The following LAMC2 variants were observed in gnomAD, a reference collection of about 807,000 sequenced individuals.
LAMC2 encodes laminin subunit gamma-2.
In LAMC2, 97 loss-of-function variants were observed where a neutral mutation model predicts 140.2. That is an observed-to-expected ratio of 0.69 (90% CI 0.59 to 0.82). The LOEUF (loss-of-function observed/expected upper bound fraction) is 0.82. Ranked by LOEUF, LAMC2 falls within the 40% of genes least tolerant of loss-of-function variation. The probability of loss-of-function intolerance (pLI) is 0.00; values close to 1 mark genes in which losing one functional copy is unlikely to be tolerated. For missense variants in LAMC2, 1,402 were observed against 1,476.1 expected (o/e 0.95, Z 0.82); for synonymous variants, 513 against 540.2 (o/e 0.95, Z 0.70).
intron 3 of LAMC2, among the ~76,000 whole-genome samples, chr1:183,216,528 A>G (rs1032692710): frequency 1.3e-5 from 2 of 151,970 alleles, no homozygotes; most frequent in African/African-American, 2.4e-5. Context: ...CTCCGCAGGG[A>G]AGCCACAATA....
At chr1:183,208,199 A>AG in intron 2 of LAMC2, 130 bp downstream of exon 2, 1 of 891,392 alleles carries the variant, frequency 1.1e-6, no homozygotes. Context: ...GAAAGCAAGC[A>AG]GGCCAAGAGG....
chr1:183,221,338 G>A (rs1324162566), intron 5 of LAMC2, among the ~76,000 whole-genome samples: 1 of 152,124 alleles, frequency 6.6e-6, no homozygotes, highest in Admixed American at 6.5e-5. Context: ...TAATAAATGA[G>A]CTGATTTATG....
At chr1:183,208,115 G>A in intron 2 of LAMC2, 46 bp downstream of exon 2, 1 of 1,486,034 alleles carries the variant, frequency 6.7e-7, no homozygotes, top group Non-Finnish European at 9.4e-7. Flanking sequence ...GGAGCAGTGG[G>A]GAGACAAGAG....
At chr1:183,229,760 C>T (rs916990392) in intron 11 of LAMC2, among the ~76,000 whole-genome samples, 7 of 152,042 alleles carry the variant, frequency 4.6e-5, no homozygotes, top group African/African-American at 1.7e-4. Context: ...AGAGTCTCCA[C>T]CTTGAAGTGC....
At position 183,232,696 on chromosome 1, in the gene LAMC2, C is replaced by G; in HGVS notation, c.2059C>G (p.Gln687Glu). Reference protein sequence around the residue: ...LGLQLAKVRSQENSYQSRLDD... With the variant: ...LGLQLAKVRSEENSYQSRLDD... ...TCTCCAGTTGGCCAAGGTGAGGAGC[C>G]AAGAGAACAGCTACCAGAGCCGCCT... Residue 687 changes from glutamine to glutamate, a missense_variant, in exon 14 of 23, where the codon CAA becomes GAA. By Grantham distance (29) the Gln-to-Glu change is conservative. This residue lies in a region of LAMC2 where 670 missense variants were observed against 667.2 expected (regional missense o/e 1.00). Coordinates refer to ENST00000264144, the MANE Select transcript of LAMC2 (RefSeq NM_005562.3). The G allele has an allele frequency of 6.2e-7, 1 of 1,613,578 alleles. No individual in the cohort carries two copies. The highest frequency in any genetic ancestry group is 8.5e-7 in the Non-Finnish European group (1 of 1,179,936).
chr1:183,188,213 C>T (rs977228436), intron 1 of LAMC2, among the ~76,000 whole-genome samples: 2 of 152,150 alleles, frequency 1.3e-5, no homozygotes, highest in Non-Finnish European at 2.9e-5. Context: ...TCCTCAGAGG[C>T]CTTCATTTTT....
rs1659491029 is a variant in LAMC2, at chr1:183,222,090, T to A, written c.642T>A (p.Asp214Glu). 6.2e-7 allele frequency: 1 copy of A among 1,614,056 alleles called. No individual in the cohort carries two copies. Among genetic ancestry groups the A allele is most frequent in the Non-Finnish European group, 8.5e-7 (1 of 1,180,014 alleles). ...VHKITSTFHQDVDGWKAVQRN... is the reference protein window; with the variant it reads ...VHKITSTFHQEVDGWKAVQRN... ...AGACTGATTATGTTTGTGTTCCAGA[T>A]GTTGATGGCTGGAAGGCTGTCCAAC... The change falls in exon 6 of 23, where the codon GAT (aspartate) becomes GAA (glutamate). Residue 214 changes from aspartate to glutamate, a missense_variant and splice_region_variant. Around this residue, in one of 3 missense-constraint regions of LAMC2, gnomAD observed 723 missense variants for 783.3 expected, o/e 0.92. Coordinates refer to ENST00000264144, the MANE Select transcript of LAMC2 (RefSeq NM_005562.3).
chr1:183,253,177 G>A, the LAMC2 span, among the ~76,000 whole-genome samples: 1 of 150,012 alleles, frequency 6.7e-6, no homozygotes, highest in Non-Finnish European at 1.5e-5. Context: ...ATCTGATGTT[G>A]TAAGATACAC....
intron 3 of LAMC2, among the ~76,000 whole-genome samples, chr1:183,216,985 C>A (rs1659286995): frequency 6.6e-6 from 1 of 152,114 alleles, no homozygotes; most frequent in Non-Finnish European, 1.5e-5. Context: ...ACGTGTTTGT[C>A]AGATGGTCCA....
the LAMC2 span, among the ~76,000 whole-genome samples, chr1:183,256,539 T>G: frequency 6.6e-6 from 1 of 152,258 alleles, no homozygotes. Flanking sequence ...ATGCTTTATC[T>G]GCATCAATTG....
intron 4 of LAMC2, 105 bp downstream of exon 4, chr1:183,218,593 C>T (rs1387309768): frequency 2.0e-5 from 17 of 850,456 alleles, no homozygotes; most frequent in South Asian, 1.3e-4. Context: ...ACTTGACAAA[C>T]GTTGATGACC....
chr1:183,245,175 C>A (rs1003381459), downstream of LAMC2, among the ~76,000 whole-genome samples: 1 of 152,042 alleles, frequency 6.6e-6, no homozygotes, highest in African/African-American at 2.4e-5. Context: ...ATATTCTTAT[C>A]TTTTTCATCA....
At chr1:183,258,142 A>C in the LAMC2 span, among the ~76,000 whole-genome samples, 4 of 152,338 alleles carry the variant, frequency 2.6e-5, no homozygotes, top group African/African-American at 9.6e-5. Flanking sequence ...ACAGGTATAA[A>C]GGACTCCAGT....
chr1:183,253,674 C>T, the LAMC2 span, among the ~76,000 whole-genome samples: 1 of 152,010 alleles, frequency 6.6e-6, no homozygotes, highest in African/African-American at 2.4e-5. Context: ...ATATTTGCTG[C>T]TTTGTATCCT....
In LAMC2 at chr1:183,189,558, G is replaced by A. The variant is rs141620673; in HGVS notation, c.79+3127G>A. Among the ~76,000 whole-genome samples the A allele has an allele frequency of 1.1e-4, 17 of 152,288 alleles. No individual in the cohort carries two copies. In the East Asian group the frequency reaches 3.1e-3, roughly 28 times the overall value. On this transcript the variant is annotated intron_variant, in intron 1 of 22. Transcript: ENST00000264144. ...TTATTTTAGTTTAGAAGGGAAATTT[G>A]AGATATAAATTTGGGGGCCCAGAGG...
downstream of LAMC2, among the ~76,000 whole-genome samples, chr1:183,246,191 C>A (rs1430232921): frequency 2.0e-5 from 3 of 148,334 alleles, no homozygotes; most frequent in South Asian, 6.4e-4. Context: ...AAAAAAAGGT[C>A]GTAAGACTGT....
chr1:183,213,061 CTCTT>C (rs1384984580), intron 2 of LAMC2, among the ~76,000 whole-genome samples: 1 of 151,610 alleles, frequency 6.6e-6, no homozygotes, highest in Non-Finnish European at 1.5e-5. Context: ...CTCTAGAGTT[CTCTT>C]TCTAAGTGCA....
chr1:183,213,484 C>T (rs1338354420), intron 2 of LAMC2, among the ~76,000 whole-genome samples: 1 of 152,186 alleles, frequency 6.6e-6, no homozygotes, highest in Non-Finnish European at 1.5e-5. Context: ...GCTTCATAGA[C>T]TATGGATACT....
chr1:183,222,043 A>T (rs553073805), intron 5 of LAMC2, 46 bp from the exon 6 acceptor site: 2 of 1,613,364 alleles, frequency 1.2e-6, no homozygotes, highest in African/African-American at 2.7e-5. Context: ...AACTTAATAG[A>T]TGATGAGGGC....
Sources: gnomAD v4.1 joint callset for allele counts (sites outside exome capture counted in the v4.1 genomes callset) on GRCh38, gnomAD v4.1.1 for gene constraint, gnomAD v4.1.1 regional missense constraint, MANE v1.5 for transcripts, NCBI Gene and HGNC (gene_info 2026-07-23, HGNC 2026-07-21) for gene names.